PRORP: variants seen among roughly 807,000 people sequenced by gnomAD.
PRORP encodes mitochondrial ribonuclease P catalytic subunit.
A neutral mutation model predicts 59.4 loss-of-function variants in PRORP; 51 were observed. The ratio of observed to expected loss-of-function variants is 0.86; its 90% CI spans 0.69 to 1.08. The LOEUF is 1.08. Among genes scored for constraint, PRORP ranks in the 50% least tolerant of loss-of-function variants. The pLI is 0.00. For missense variants in PRORP, 646 were observed against 690.3 expected (o/e 0.94, Z 0.72); for synonymous variants, 231 against 245.6 (o/e 0.94, Z 0.55).
At chr14:35,249,908 T>C (rs1255283541) in intron 5 of PRORP, among the ~76,000 whole-genome samples, 16 of 152,180 alleles carry the variant, frequency 1.1e-4, no homozygotes, top group Non-Finnish European at 5.9e-5. Flanking sequence ...GGTCAAAGAC[T>C]AAATCACTTT....
At chr14:35,204,888 G>A (rs1025477020) in intron 5 of PRORP, among the ~76,000 whole-genome samples, 1 of 152,078 alleles carries the variant, frequency 6.6e-6, no homozygotes, top group Admixed American at 6.6e-5. Flanking sequence ...CATTTATTAA[G>A]AATTTCACGT....
chr14:35,122,074 C>T, upstream of PRORP: 3 of 1,086,626 alleles, frequency 2.8e-6, no homozygotes, highest in Non-Finnish European at 4.1e-6. Context: ...CGTCCAACCA[C>T]CATCTTGATC....
intron 5 of PRORP, among the ~76,000 whole-genome samples, chr14:35,181,263 G>A (rs566197065): frequency 3.3e-5 from 5 of 151,762 alleles, no homozygotes; most frequent in African/African-American, 1.2e-4. Context: ...ATTTATAAAT[G>A]CCCTACTAGT....
chr14:35,203,881 T>A (rs925510688), intron 5 of PRORP, among the ~76,000 whole-genome samples: 2 of 152,188 alleles, frequency 1.3e-5, no homozygotes, highest in African/African-American at 2.4e-5. Flanking sequence ...AGATATTCTT[T>A]TGATAGAACC....
At chr14:35,251,963 A>T (rs562611570) in intron 5 of PRORP, among the ~76,000 whole-genome samples, 3 of 152,206 alleles carry the variant, frequency 2.0e-5, no homozygotes, top group South Asian at 4.2e-4. Context: ...AGGAATTCCT[A>T]CCTTGGACCA....
intron 4 of PRORP, 87 bp from the exon 5 acceptor site, chr14:35,180,583 A>G: frequency 1.4e-6 from 1 of 698,658 alleles, no homozygotes; most frequent in South Asian, 1.7e-5. Context: ...TGAATTATCA[A>G]AACAATAATA....
intron 5 of PRORP, among the ~76,000 whole-genome samples, chr14:35,243,479 T>G (rs2050411932): frequency 1.3e-5 from 2 of 150,078 alleles, no homozygotes; most frequent in Non-Finnish European, 3.0e-5. Flanking sequence ...GAGGCTGCAG[T>G]GAGCCGTGAT....
chr14:35,231,079 A>G (rs1435484880), intron 5 of PRORP, among the ~76,000 whole-genome samples: 1 of 152,122 alleles, frequency 6.6e-6, no homozygotes, highest in African/African-American at 2.4e-5. Flanking sequence ...ATGGAGTGGG[A>G]GAGAAACTTT....
At chr14:35,174,285 T>C (rs763819149) in intron 4 of PRORP, among the ~76,000 whole-genome samples, 1 of 152,148 alleles carries the variant, frequency 6.6e-6, no homozygotes, top group Non-Finnish European at 1.5e-5. Flanking sequence ...TTTGAAATAG[T>C]TGGGTATTTA....
At chr14:35,153,746 A>G (rs986373927) in intron 4 of PRORP, among the ~76,000 whole-genome samples, 6 of 152,224 alleles carry the variant, frequency 3.9e-5, no homozygotes, top group Non-Finnish European at 7.3e-5. Flanking sequence ...TTAAAGGAAC[A>G]TGCCTCAGTT....
chr14:35,187,182 A>G (rs1566485145), intron 5 of PRORP, among the ~76,000 whole-genome samples: 2 of 152,332 alleles, frequency 1.3e-5, no homozygotes, highest in East Asian at 3.9e-4. Flanking sequence ...ACCTAGGAGT[A>G]GAATTGGTGG....
chr14:35,258,051 T>C (rs1312029330), intron 5 of PRORP, among the ~76,000 whole-genome samples: 1 of 136,376 alleles, frequency 7.3e-6, no homozygotes, highest in Non-Finnish European at 1.5e-5. Context: ...GTGTCACATA[T>C]GAGTAAAAAA....
chr14:35,122,191 T>C, upstream of PRORP: 1 of 550,628 alleles, frequency 1.8e-6, no homozygotes, highest in East Asian at 3.0e-5. Flanking sequence ...AGATGGAAAA[T>C]GGTTCTCCTT....
chr14:35,258,843 A>T (rs1355074748), intron 5 of PRORP, among the ~76,000 whole-genome samples: 1 of 152,190 alleles, frequency 6.6e-6, no homozygotes, highest in Non-Finnish European at 1.5e-5. Flanking sequence ...CACAGTTTTG[A>T]TTACCATAGC....
At chr14:35,225,643 G>C (rs1349164825) in intron 5 of PRORP, among the ~76,000 whole-genome samples, 1 of 151,910 alleles carries the variant, frequency 6.6e-6, no homozygotes, top group African/African-American at 2.4e-5. Flanking sequence ...CACCGCGCCT[G>C]GCCCACTTGG....
chr14:35,235,300 A>G (rs1666854447), intron 5 of PRORP: 2 of 689,206 alleles, frequency 2.9e-6, no homozygotes, highest in Admixed American at 3.6e-5. Context: ...TGTCATTGTA[A>G]TTGGTCCTGA....
chr14:35,182,894 A>G (rs1204935105), intron 5 of PRORP, among the ~76,000 whole-genome samples: 1 of 152,180 alleles, frequency 6.6e-6, no homozygotes, highest in East Asian at 1.9e-4. Context: ...ACATAGTAAC[A>G]CTAGTACATA....
At chr14:35,150,785 A>T (rs774813563) in intron 4 of PRORP, among the ~76,000 whole-genome samples, 1 of 152,102 alleles carries the variant, frequency 6.6e-6, no homozygotes, top group Non-Finnish European at 1.5e-5. Context: ...GTGATTTTTC[A>T]TAGAGAACGT....
chr14:35,224,560 C>T (rs2049883415), intron 5 of PRORP, among the ~76,000 whole-genome samples: 1 of 152,186 alleles, frequency 6.6e-6, no homozygotes, highest in Non-Finnish European at 1.5e-5. Flanking sequence ...AGAAACCTGG[C>T]ACCAGAGTCT....
Sources: allele counts gnomAD v4.1 joint callset (sites outside exome capture counted in the v4.1 genomes callset), GRCh38; gene constraint gnomAD v4.1.1; transcripts MANE v1.5; gene names NCBI Gene and HGNC (gene_info 2026-07-23, HGNC 2026-07-21).